Variants in PTPRT observed in about 807,000 individuals in gnomAD.
PTPRT encodes the protein protein tyrosine phosphatase receptor type T.
In PTPRT, 56 loss-of-function variants were observed where a neutral mutation model predicts 176.8. The ratio of observed to expected loss-of-function variants is 0.32; its 90% CI spans 0.26 to 0.40. The LOEUF (loss-of-function observed/expected upper bound fraction) is 0.40. Among genes scored for constraint, PTPRT ranks in the 10% least tolerant of loss-of-function variants. The pLI, the probability that PTPRT is intolerant of heterozygous loss-of-function variation, is 1.00. For synonymous variants in PTPRT, 783 were observed against 739.0 expected, an observed-to-expected ratio of 1.06 and a Z score of -0.96; for missense variants, 1,540 against 1,908.2, an observed-to-expected ratio of 0.81 and a Z score of 3.60.
At chr20:42,765,067 A>G (rs532788695) in intron 5 of PTPRT, among the ~76,000 whole-genome samples, 28 of 152,308 alleles carry the variant, frequency 1.8e-4, no homozygotes, top group Non-Finnish European at 2.6e-4. Context: ...ACCTTTTCCT[A>G]TGAGATTCAG....
At chr20:42,306,269 G>A (rs2057543508) in intron 12 of PTPRT, among the ~76,000 whole-genome samples, 2 of 152,172 alleles carry the variant, frequency 1.3e-5, no homozygotes, top group Admixed American at 1.3e-4. Flanking sequence ...AGAGAAGTCT[G>A]GGCCCCAACA....
intron 17 of PTPRT, among the ~76,000 whole-genome samples, chr20:42,155,432 C>T (rs963903768): frequency 6.6e-6 from 1 of 152,168 alleles, no homozygotes; most frequent in Non-Finnish European, 1.5e-5. Flanking sequence ...GAGGGAGGCC[C>T]AGCTGGCTCG....
intron 13 of PTPRT, among the ~76,000 whole-genome samples, chr20:42,280,777 G>A (rs1273247451): frequency 6.6e-6 from 1 of 152,154 alleles, no homozygotes; most frequent in Admixed American, 6.5e-5. Flanking sequence ...TCTGAGGACT[G>A]CAGTCCTGAA....
rs774586001 is a variant in PTPRT, at chr20:42,080,951, C to A, written c.4273-19G>T. ...ACTGTTCCTGAGAGGCGGAGAGGAG[C>A]AGAGGCAGAGAGGGAGAAGAGGAGA... On this transcript the variant is annotated intron_variant, in intron 30 of 30. Coordinates refer to ENST00000373187, the MANE Select transcript of PTPRT (RefSeq NM_007050.6). The A allele has an allele frequency of 2.6e-6, 4 of 1,563,650 alleles. No homozygotes were observed. The highest frequency in any genetic ancestry group is 3.5e-6 in the Non-Finnish European group (4 of 1,134,984).
At chr20:42,453,888 GGGGTTTCACTAT>G (rs1218537780) in intron 8 of PTPRT, among the ~76,000 whole-genome samples, 7 of 150,450 alleles carry the variant, frequency 4.7e-5, no homozygotes, top group Non-Finnish European at 8.9e-5. Flanking sequence ...CAGAAGAGAT[GGGGTTTCACTAT>G]GTTGGCCAGG....
chr20:42,082,892 T>C (rs933570178), intron 29 of PTPRT, among the ~76,000 whole-genome samples: 4 of 152,066 alleles, frequency 2.6e-5, no homozygotes, highest in African/African-American at 9.7e-5. Flanking sequence ...ACTCAGTCAA[T>C]CTCCCAGATG....
At chr20:42,270,501 G>A in intron 13 of PTPRT, 1 of 1,527,272 alleles carries the variant, frequency 6.5e-7, no homozygotes, top group Non-Finnish European at 8.9e-7. Flanking sequence ...AAGAGAAGGA[G>A]AGAAAGAAAC....
intron 9 of PTPRT, among the ~76,000 whole-genome samples, chr20:42,387,739 T>A (rs2058757963): frequency 6.6e-6 from 1 of 151,940 alleles, no homozygotes; most frequent in Non-Finnish European, 1.5e-5. Flanking sequence ...TCACAACTTG[T>A]GTATGTGTGG....
intron 15 of PTPRT, among the ~76,000 whole-genome samples, chr20:42,231,958 C>T (rs2056143291): frequency 6.6e-6 from 1 of 151,952 alleles, no homozygotes; most frequent in Non-Finnish European, 1.5e-5. Flanking sequence ...TGCTCCTCCC[C>T]CATCCATACT....
At chr20:43,060,726 G>A (rs1458898708) in intron 1 of PTPRT, among the ~76,000 whole-genome samples, 2 of 152,174 alleles carry the variant, frequency 1.3e-5, no homozygotes, top group Non-Finnish European at 2.9e-5. Flanking sequence ...CTCTTCCAGA[G>A]AGCTCTTCAT....
chr20:42,918,379 C>T (rs1245082011), intron 1 of PTPRT, among the ~76,000 whole-genome samples: 2 of 152,186 alleles, frequency 1.3e-5, no homozygotes, highest in South Asian at 2.1e-4. Context: ...CAAGGCCAGA[C>T]ACAGGCCCTC....
intron 1 of PTPRT, among the ~76,000 whole-genome samples, chr20:42,959,975 ACAT>A (rs1981894822): frequency 6.6e-6 from 1 of 152,156 alleles, no homozygotes; most frequent in African/African-American, 2.4e-5. Flanking sequence ...TCCTAGAACA[ACAT>A]CACTCTCACC....
chr20:43,056,027 A>G (rs1387247813), intron 1 of PTPRT, among the ~76,000 whole-genome samples: 1 of 152,264 alleles, frequency 6.6e-6, no homozygotes, highest in African/African-American at 2.4e-5. Flanking sequence ...TATCTAATTT[A>G]AACCACTAAT....
chr20:42,392,790 G>A (rs2058812784), intron 9 of PTPRT, among the ~76,000 whole-genome samples: 1 of 152,206 alleles, frequency 6.6e-6, no homozygotes, highest in African/African-American at 2.4e-5. Flanking sequence ...CATGGGTGGT[G>A]CAGGGAAGAA....
chr20:43,173,921 T>C (rs1320599958), intron 1 of PTPRT, among the ~76,000 whole-genome samples: 2 of 152,340 alleles, frequency 1.3e-5, no homozygotes, highest in East Asian at 3.9e-4. Flanking sequence ...GGACTCTGAA[T>C]GAGACGACCA....
intron 7 of PTPRT, among the ~76,000 whole-genome samples, chr20:42,622,058 T>C (rs1569025685): frequency 1.3e-5 from 2 of 152,202 alleles, no homozygotes; most frequent in Non-Finnish European, 2.9e-5. Context: ...TCTGCACACC[T>C]ACATCCTAAA....
At chr20:42,664,262 T>C (rs1412033023) in intron 7 of PTPRT, among the ~76,000 whole-genome samples, 2 of 152,246 alleles carry the variant, frequency 1.3e-5, no homozygotes, top group African/African-American at 2.4e-5. Flanking sequence ...GAGCTTTTTA[T>C]GTGTAAAGAT....
At chr20:42,184,575 T>TCTTCTTCTTCTTCTTTTTCTTCTTCTG (rs1990674875) in intron 16 of PTPRT, among the ~76,000 whole-genome samples, 1 of 138,866 alleles carries the variant, frequency 7.2e-6, no homozygotes, top group African/African-American at 2.8e-5. Context: ...TTCTTCTTCT[T>TCTTCTTCTTCTTCTTTTTCTTCTTCTG]CTTCTTCTTC....
intron 20 of PTPRT, among the ~76,000 whole-genome samples, chr20:42,119,415 C>A (rs368679763): frequency 1.3e-5 from 2 of 151,912 alleles, no homozygotes; most frequent in African/African-American, 2.4e-5. Flanking sequence ...TTCTTATATG[C>A]GTCATTGTCT....
Sources: allele counts gnomAD v4.1 joint callset (sites outside exome capture counted in the v4.1 genomes callset), GRCh38; gene constraint gnomAD v4.1.1; transcripts MANE v1.5; gene names NCBI Gene and HGNC (gene_info 2026-07-23, HGNC 2026-07-21).